The following DLG2 variants were observed in gnomAD, a reference collection of about 807,000 sequenced individuals.
DLG2 encodes discs large MAGUK scaffold protein 2.
A neutral mutation model predicts 132.5 loss-of-function variants in DLG2; 45 were observed. The ratio of observed to expected loss-of-function variants is 0.34; its 90% CI spans 0.27 to 0.44. DLG2 has a LOEUF of 0.44. Ranked by LOEUF, DLG2 falls within the 20% of genes least tolerant of loss-of-function variation. DLG2 has a pLI of 1.00. For synonymous variants in DLG2, 424 were observed against 419.6 expected (o/e 1.01, Z -0.13); for missense variants, 1,045 against 1,196.9 (o/e 0.87, Z 1.87).
intron 12 of DLG2, among the ~76,000 whole-genome samples, chr11:83,975,837 G>A (rs1173367583): frequency 6.6e-6 from 1 of 151,564 alleles, no homozygotes; most frequent in Non-Finnish European, 1.5e-5. Flanking sequence ...GAATAAAGGG[G>A]GACATTTACA....
intron 7 of DLG2, among the ~76,000 whole-genome samples, chr11:84,425,140 AT>A (rs923147169): frequency 6.6e-6 from 1 of 152,054 alleles, no homozygotes; most frequent in Non-Finnish European, 1.5e-5. Flanking sequence ...GCAAATAAGT[AT>A]TTTTTAATAC....
rs80230213 is a variant in DLG2 at position 83,776,341 on chromosome 11, G to A, written c.1825+10349C>T. Among the ~76,000 whole-genome samples the A allele has an allele frequency of 2.9e-3, 447 of 152,018 alleles. 2 individuals are homozygous for A. The highest frequency in any genetic ancestry group is 0.01 in the African/African-American group (431 of 41,432). ...TATTTTTTATTTTACCTTTTTTACA[G>A]ATAGGGTCTTGCTCTGTCCTGCAAG... On this transcript the variant is annotated intron_variant, in intron 18 of 27. Coordinates refer to ENST00000376104, the MANE Select transcript of DLG2 (RefSeq NM_001142699.3).
chr11:85,237,857 C>T (rs1415570162), intron 4 of DLG2, among the ~76,000 whole-genome samples: 1 of 152,062 alleles, frequency 6.6e-6, no homozygotes, highest in Non-Finnish European at 1.5e-5. Flanking sequence ...TCTTGTACAA[C>T]CAAAAGACTG....
chr11:85,143,842 T>C (rs2076660178), intron 5 of DLG2, among the ~76,000 whole-genome samples: 1 of 151,928 alleles, frequency 6.6e-6, no homozygotes, highest in Non-Finnish European at 1.5e-5. Flanking sequence ...TTTTGTACTT[T>C]AACATATGGT....
At chr11:85,501,681 C>A (rs949006522) in intron 3 of DLG2, among the ~76,000 whole-genome samples, 2 of 152,214 alleles carry the variant, frequency 1.3e-5, no homozygotes, top group African/African-American at 4.8e-5. Context: ...CTCATCATCT[C>A]TGGTCATTAG....
intron 3 of DLG2, among the ~76,000 whole-genome samples, chr11:85,337,229 T>C (rs1417063737): frequency 6.6e-6 from 1 of 152,220 alleles, no homozygotes; most frequent in African/African-American, 2.4e-5. Context: ...AATTATTCTG[T>C]TAAAAATATT....
At chr11:83,591,788 G>T (rs200920851) in intron 19 of DLG2, among the ~76,000 whole-genome samples, 409 of 62,978 alleles carry the variant, frequency 6.5e-3, no homozygotes, top group East Asian at 0.026. Flanking sequence ...AGCAACTTCA[G>T]CAAAGTCTCA....
chr11:84,888,976 A>G (rs934898152), intron 6 of DLG2, among the ~76,000 whole-genome samples: 1 of 152,196 alleles, frequency 6.6e-6, no homozygotes, highest in Non-Finnish European at 1.5e-5. Flanking sequence ...ACAATTGAAT[A>G]TTAATGTCTT....
At chr11:84,484,533 C>A (rs1412230193) in intron 7 of DLG2, among the ~76,000 whole-genome samples, 1 of 152,140 alleles carries the variant, frequency 6.6e-6, no homozygotes. Flanking sequence ...GGATAATGAA[C>A]TGGTTAGAGT....
intron 11 of DLG2, among the ~76,000 whole-genome samples, chr11:84,011,828 T>G (rs1372802662): frequency 6.6e-6 from 1 of 152,146 alleles, no homozygotes; most frequent in Non-Finnish European, 1.5e-5. Context: ...CACCCTTTAG[T>G]GCTAATGTTT....
intron 5 of DLG2, among the ~76,000 whole-genome samples, chr11:85,146,196 A>T (rs1197409921): frequency 6.7e-6 from 1 of 150,302 alleles, no homozygotes; most frequent in South Asian, 2.1e-4. Context: ...CACTTTCCCC[A>T]AACAGAAGTC....
chr11:84,454,688 C>T (rs184699114), intron 7 of DLG2, among the ~76,000 whole-genome samples: 7 of 151,524 alleles, frequency 4.6e-5, no homozygotes, highest in African/African-American at 1.7e-4. Context: ...TGAGCAAAAG[C>T]ATGGACAAAT....
chr11:84,719,370 TAGAC>T (rs1332954094), intron 6 of DLG2, among the ~76,000 whole-genome samples: 3 of 152,198 alleles, frequency 2.0e-5, no homozygotes, highest in Non-Finnish European at 4.4e-5. Flanking sequence ...TCTCTCTCCT[TAGAC>T]AGTCACCATA....
chr11:83,888,269 A>G (rs1342054186), intron 15 of DLG2, among the ~76,000 whole-genome samples: 13 of 152,234 alleles, frequency 8.5e-5, no homozygotes, highest in Admixed American at 5.2e-4. Flanking sequence ...ATACATTATC[A>G]ATGTACAAAA....
chr11:84,251,061 G>A (rs540089252), intron 8 of DLG2, among the ~76,000 whole-genome samples, 177 bp downstream of exon 8: 16 of 152,162 alleles, frequency 1.1e-4, no homozygotes, highest in African/African-American at 3.6e-4. Flanking sequence ...ATGAAAGAGG[G>A]AAATATTTGA....
At chr11:85,476,167 C>T (rs749290657) in intron 3 of DLG2, among the ~76,000 whole-genome samples, 7 of 152,086 alleles carry the variant, frequency 4.6e-5, no homozygotes, top group Non-Finnish European at 7.4e-5. Context: ...TGTTGCTGTA[C>T]TGAATACTGT....
chr11:83,951,843 G>A (rs1274202499), intron 14 of DLG2, among the ~76,000 whole-genome samples: 3 of 152,144 alleles, frequency 2.0e-5, no homozygotes, highest in African/African-American at 2.4e-5. Context: ...TGTTTAGGGA[G>A]CTATTGCAAT....
At chr11:83,553,355 TAAAATC>T (rs895596800) in intron 19 of DLG2, among the ~76,000 whole-genome samples, 1 of 152,178 alleles carries the variant, frequency 6.6e-6, no homozygotes, top group African/African-American at 2.4e-5. Context: ...GGGTACATCT[TAAAATC>T]AAGGACAACC....
At chr11:84,503,409 A>G (rs948087314) in intron 7 of DLG2, among the ~76,000 whole-genome samples, 5 of 152,200 alleles carry the variant, frequency 3.3e-5, no homozygotes, top group South Asian at 2.1e-4. Context: ...ATGAGTGAAG[A>G]TGATTTGAAG....
Sources: allele counts gnomAD v4.1 joint callset (sites outside exome capture counted in the v4.1 genomes callset), GRCh38; gene constraint gnomAD v4.1.1; transcripts MANE v1.5; gene names NCBI Gene and HGNC (gene_info 2026-07-23, HGNC 2026-07-21).